Variants in FAM20C observed in about 807,000 individuals in gnomAD.
The protein encoded by FAM20C is extracellular serine/threonine protein kinase FAM20C.
A neutral mutation model predicts 51.5 loss-of-function variants in FAM20C; 40 were observed. That is an observed-to-expected ratio of 0.78 (90% confidence interval 0.60 to 1.01). FAM20C has a LOEUF of 1.01. FAM20C is among the 50% of genes least tolerant of loss of function. The pLI is 0.00. For missense variants in FAM20C, 861 were observed against 844.7 expected, an observed-to-expected ratio of 1.02 and a Z score of -0.24; for synonymous variants, 406 against 380.6, an observed-to-expected ratio of 1.07 and a Z score of -0.78.
intron 5 of FAM20C, among the ~76,000 whole-genome samples, chr7:253,567 A>G (rs993007865): frequency 2.9e-5 from 4 of 136,230 alleles, no homozygotes; most frequent in Non-Finnish European, 6.6e-5. Flanking sequence ...CTCCAAGTGC[A>G]GGGCAGCCTT....
intron 8 of FAM20C, among the ~76,000 whole-genome samples, chr7:257,797 G>C (rs1443495659): frequency 1.7e-4 from 21 of 121,934 alleles, no homozygotes; most frequent in South Asian, 2.5e-4. Context: ...GCTGGAGATG[G>C]GCTGGGTGGA....
chr7:256,134 G>A, intron 6 of FAM20C, 105 bp downstream of exon 6: 1 of 1,352,352 alleles, frequency 7.4e-7, no homozygotes, highest in Non-Finnish European at 9.9e-7. Context: ...GCAGAGATGG[G>A]TGCAGAGCCT....
chr7:212,892 G>T (rs28759272), intron 3 of FAM20C, among the ~76,000 whole-genome samples: 43,814 of 152,052 alleles, frequency 0.29, 6,531 homozygotes, highest in South Asian at 0.45. Flanking sequence ...GTTCATCACC[G>T]CAGTTGATTT....
chr7:218,766 C>T (rs113278763), intron 3 of FAM20C, among the ~76,000 whole-genome samples: 12 of 152,128 alleles, frequency 7.9e-5, no homozygotes, highest in African/African-American at 1.4e-4. Context: ...AGGCCCAGGA[C>T]GCACAGATCA....
chr7:209,521 A>G lies in FAM20C; in HGVS notation c.863+545A>G, dbSNP rs142231545. Among the ~76,000 whole-genome samples the G allele has an allele frequency of 8.7e-3, 1,329 of 152,110 alleles. 11 individuals are homozygous for G. Among genetic ancestry groups the G allele is most frequent in the Middle Eastern group, 0.034 (10 of 294 alleles). ...AAATGGGCTGGATGTGGTCCAGTGGACAGTGTGCCCTGATCTGGATAAAAT... is the reference window on the plus strand; with the variant it reads ...AAATGGGCTGGATGTGGTCCAGTGGGCAGTGTGCCCTGATCTGGATAAAAT... On this transcript the variant is annotated intron_variant, in intron 3 of 9. Coordinates refer to ENST00000313766, the MANE Select transcript of FAM20C (RefSeq NM_020223.4).
rs114200023 is a variant in FAM20C, at chr7:211,679, C to T, written c.863+2703C>T. On this transcript the variant is annotated intron_variant, in intron 3 of 9. Coordinates refer to ENST00000313766, the MANE Select transcript of FAM20C (RefSeq NM_020223.4). ...CTGTCACCCGGGGAGGCCAGTGTGACGCGTGGGCTAAGCGGGGAGGTGGGG... is the reference window on the plus strand; with the variant it reads ...CTGTCACCCGGGGAGGCCAGTGTGATGCGTGGGCTAAGCGGGGAGGTGGGG... Among the ~76,000 whole-genome samples the T allele has an allele frequency of 5.0e-3, 768 of 152,262 alleles. 14 individuals are homozygous for T. Among genetic ancestry groups the T allele is most frequent in the African/African-American group, 0.017 (723 of 41,558 alleles).
intron 8 of FAM20C, among the ~76,000 whole-genome samples, chr7:258,323 C>CTGGAGATAGGCAGGGTGGACCCACTGACT (rs1788717754): frequency 5.0e-5 from 1 of 20,152 alleles, no homozygotes; most frequent in Non-Finnish European, 9.6e-5. Flanking sequence ...ACCCACTGCC[C>CTGGAGATAGGCAGGGTGGACCCACTGACT]GGGGTGCTGG....
intron 5 of FAM20C, among the ~76,000 whole-genome samples, chr7:255,530 A>G (rs1457021780): frequency 6.6e-6 from 1 of 152,026 alleles, no homozygotes; most frequent in Non-Finnish European, 1.5e-5. Context: ...TTGTATCTTC[A>G]CTTTCTTGAC....
intron 4 of FAM20C, among the ~76,000 whole-genome samples, chr7:247,049 T>A (rs1056022650): frequency 6.6e-6 from 1 of 152,080 alleles, no homozygotes; most frequent in Non-Finnish European, 1.5e-5. Flanking sequence ...GGGGGAGTAT[T>A]AAGTGCTGCG....
intron 1 of FAM20C, 176 bp downstream of exon 1, chr7:193,980 TC>T: frequency 9.7e-7 from 1 of 1,026,012 alleles, no homozygotes; most frequent in Non-Finnish European, 1.3e-6. Flanking sequence ...CAGAATAACC[TC>T]CTCCTTGGGA....
chr7:259,434 GTC>G (rs1788779398), intron 9 of FAM20C, among the ~76,000 whole-genome samples: 1 of 132,240 alleles, frequency 7.6e-6, no homozygotes, highest in Non-Finnish European at 1.5e-5. Context: ...CGTCTCTGCC[GTC>G]TCTATCTGTG....
intron 5 of FAM20C, among the ~76,000 whole-genome samples, chr7:253,751 T>C (rs906868177): frequency 6.8e-6 from 1 of 147,454 alleles, no homozygotes; most frequent in African/African-American, 2.5e-5. Flanking sequence ...GCCCCTTTAA[T>C]ACCCGATTTG....
intron 8 of FAM20C, chr7:257,464 G>A: frequency 4.6e-6 from 1 of 219,032 alleles, no homozygotes; most frequent in South Asian, 9.0e-5. Context: ...TGCGGCCGCT[G>A]CTGGCCTGCC....
rs1164534521 is a variant in FAM20C at position 260,538 on chromosome 7, A to T, written c.*558A>T. 6.6e-6 allele frequency: 1 copy of T among 152,290 alleles called. No individual in the cohort carries two copies. Among genetic ancestry groups the T allele is most frequent in the Non-Finnish European group, 1.5e-5 (1 of 68,102 alleles). The allele number at this position is 152,290 out of a possible 1,614,324, so 9.4% of individuals were successfully genotyped here. ...GTCTGGCCTGTGCGCTGGTGGACGGATGCCTACGTGGTTTTGGAGGACCCG... is the reference window on the plus strand; with the variant it reads ...GTCTGGCCTGTGCGCTGGTGGACGGTTGCCTACGTGGTTTTGGAGGACCCG... On this transcript the variant is annotated 3_prime_UTR_variant, in exon 10 of 10. Transcript: ENST00000313766.
intron 3 of FAM20C, among the ~76,000 whole-genome samples, chr7:219,528 G>A (rs915888008): frequency 6.6e-6 from 1 of 152,152 alleles, no homozygotes; most frequent in South Asian, 2.1e-4. Flanking sequence ...TTCGAATCCG[G>A]TACCTGAAGC....
chr7:233,294 C>T (rs1290314317), intron 3 of FAM20C, among the ~76,000 whole-genome samples: 2 of 152,206 alleles, frequency 1.3e-5, no homozygotes, highest in African/African-American at 4.8e-5. Context: ...TTCTAAGTGT[C>T]ATGAGCCTTA....
At chr7:241,384 C>T (rs1401550058) in intron 3 of FAM20C, among the ~76,000 whole-genome samples, 2 of 152,050 alleles carry the variant, frequency 1.3e-5, no homozygotes, top group South Asian at 2.1e-4. Context: ...TCGTCTTCTG[C>T]GTGAGCTTTG....
At position 205,945 on chromosome 7, in the gene FAM20C, G is replaced by A. The variant is rs79676693; in HGVS notation, c.785-2953G>A. ...TTCCCGTCTGAAGGGAGTATCCTGAGCTTTCTTCCACCAAACCTACAAACC... is the reference window on the plus strand; with the variant it reads ...TTCCCGTCTGAAGGGAGTATCCTGAACTTTCTTCCACCAAACCTACAAACC... On this transcript the variant is annotated intron_variant, in intron 2 of 9. Coordinates refer to ENST00000313766, the MANE Select transcript of FAM20C (RefSeq NM_020223.4). Among the ~76,000 whole-genome samples, 709 of 152,136 alleles carry A rather than the reference G, an allele frequency of 4.7e-3. 6 individuals are homozygous for A. Among genetic ancestry groups the A allele is most frequent in the African/African-American group, 0.016 (648 of 41,492 alleles).
chr7:219,641 A>G (rs1250692576), intron 3 of FAM20C, among the ~76,000 whole-genome samples: 2 of 152,188 alleles, frequency 1.3e-5, no homozygotes, highest in Non-Finnish European at 2.9e-5. Flanking sequence ...AGGACTGTCC[A>G]GCAGTCAGCC....
Sources: gnomAD v4.1 joint callset for allele counts (sites outside exome capture counted in the v4.1 genomes callset) on GRCh38, gnomAD v4.1.1 for gene constraint, MANE v1.5 for transcripts, NCBI Gene and HGNC (gene_info 2026-07-23, HGNC 2026-07-21) for gene names.